Variants in PAX2 observed in about 807,000 individuals in gnomAD.
The protein encoded by PAX2 is paired box 2, also known as paired box protein Pax-2.
A neutral mutation model predicts 41.7 loss-of-function variants in PAX2; 9 were observed. The ratio of observed to expected loss-of-function variants is 0.22; its 90% confidence interval spans 0.13 to 0.38. PAX2 has a LOEUF of 0.38. Ranked by LOEUF, PAX2 falls within the 10% of genes least tolerant of loss-of-function variation. The probability of loss-of-function intolerance (pLI) is 1.00; values close to 1 mark genes in which losing one functional copy is unlikely to be tolerated. For synonymous variants in PAX2, 221 were observed against 212.7 expected (o/e 1.04, Z -0.34); for missense variants, 418 against 531.6 (o/e 0.79, Z 2.10).
At chr10:100,765,420 G>T (rs536457945) in intron 3 of PAX2, among the ~76,000 whole-genome samples, 1 of 152,322 alleles carries the variant, frequency 6.6e-6, no homozygotes, top group South Asian at 2.1e-4. Flanking sequence ...AATACTTACA[G>T]AGTCACTTAT....
At chr10:100,782,203 G>C (rs12357009) in intron 5 of PAX2, among the ~76,000 whole-genome samples, 27,848 of 152,118 alleles carry the variant, frequency 0.18, 2,794 homozygotes, top group Middle Eastern at 0.31. Flanking sequence ...CGCTGGAGAA[G>C]TGGTAACCTC....
At chr10:100,821,191 T>C (rs1848370459) in intron 7 of PAX2, among the ~76,000 whole-genome samples, 1 of 152,250 alleles carries the variant, frequency 6.6e-6, no homozygotes, top group African/African-American at 2.4e-5. Flanking sequence ...GTGTTTTCCA[T>C]TATTGACAAT....
At chr10:100,797,454 C>T (rs975305295) in intron 5 of PAX2, among the ~76,000 whole-genome samples, 1 of 152,168 alleles carries the variant, frequency 6.6e-6, no homozygotes, top group Middle Eastern at 3.2e-3. Flanking sequence ...ATTTCCCCAT[C>T]TACAAAATGG....
rs1018512998 is a variant in PAX2 at position 100,762,210 on chromosome 10, A to C, written c.410+11319A>C. On this transcript the variant is annotated intron_variant, in intron 3 of 9. Coordinates refer to ENST00000355243, the MANE Select transcript of PAX2 (RefSeq NM_000278.5). ...GAGGCCCATCTCTATTAAAAAAAAAAAAACAAAACTAAGTGGCCATCAGGA... is the reference window on the plus strand; with the variant it reads ...GAGGCCCATCTCTATTAAAAAAAAACAAACAAAACTAAGTGGCCATCAGGA... Among the ~76,000 whole-genome samples the C allele has an allele frequency of 7.9e-5, 12 of 151,950 alleles. 1 individual carries two copies. The highest frequency in any genetic ancestry group is 2.7e-4 in the African/African-American group (11 of 41,332).
chr10:100,776,158 C>G (rs879646859), intron 3 of PAX2, among the ~76,000 whole-genome samples: 1 of 152,184 alleles, frequency 6.6e-6, no homozygotes, highest in African/African-American at 2.4e-5. Flanking sequence ...CTTAGCTGCC[C>G]GTTCCATCCT....
intron 5 of PAX2, among the ~76,000 whole-genome samples, chr10:100,790,129 G>GGAA (rs1564728621): frequency 6.6e-6 from 1 of 152,192 alleles, no homozygotes; most frequent in African/African-American, 2.4e-5. Flanking sequence ...CCATCTGGTT[G>GGAA]TTTGGGGAAG....
rs11598208 is a variant in PAX2 at position 100,762,779 on chromosome 10, C to A, written c.410+11888C>A. 3.2e-3 allele frequency among the ~76,000 whole-genome samples: 480 copies of A among 152,306 alleles called. 1 individual carries two copies. Among genetic ancestry groups the A allele is most frequent in the Admixed American group, 5.3e-3 (81 of 15,306 alleles). On this transcript the variant is annotated intron_variant, in intron 3 of 9. Coordinates refer to ENST00000355243, the MANE Select transcript of PAX2 (RefSeq NM_000278.5). Reference sequence around the variant, plus strand: ...AGTCACAAACCGGCTTTATGCCAAGCTTTGCAGAATCCACAGCTTGGACTG... The same window carrying A: ...AGTCACAAACCGGCTTTATGCCAAGATTTGCAGAATCCACAGCTTGGACTG...
intron 7 of PAX2, among the ~76,000 whole-genome samples, chr10:100,819,834 T>C (rs1370134823): frequency 1.3e-5 from 2 of 152,218 alleles, no homozygotes. Context: ...TCTCTGTACT[T>C]GTAAGGGGAG....
chr10:100,788,546 G>C (rs577309615), intron 5 of PAX2, among the ~76,000 whole-genome samples: 9 of 152,332 alleles, frequency 5.9e-5, no homozygotes, highest in South Asian at 4.1e-4. Context: ...TGGTGGGCTT[G>C]CTCTGAACTG....
chr10:100,803,626 C>T (rs1847647610), intron 5 of PAX2, among the ~76,000 whole-genome samples: 2 of 152,144 alleles, frequency 1.3e-5, no homozygotes, highest in South Asian at 4.1e-4. Flanking sequence ...TGCTGCCTTC[C>T]TTCTCCTACA....
intron 5 of PAX2, among the ~76,000 whole-genome samples, chr10:100,781,922 A>G (rs11599118): frequency 0.18 from 27,395 of 152,134 alleles, 2,702 homozygotes; most frequent in Middle Eastern, 0.31. Flanking sequence ...ACCTCCCTGA[A>G]ATGCCTCAAG....
At chr10:100,769,241 G>T (rs996503755) in intron 3 of PAX2, among the ~76,000 whole-genome samples, 1 of 152,218 alleles carries the variant, frequency 6.6e-6, no homozygotes. Context: ...GTACTTGTGA[G>T]AATTAAGTTA....
chr10:100,771,902 C>T (rs551019056), intron 3 of PAX2, among the ~76,000 whole-genome samples: 3 of 152,072 alleles, frequency 2.0e-5, no homozygotes, highest in East Asian at 1.9e-4. Context: ...TCACCTCCCG[C>T]GTTCAAGCAA....
chr10:100,802,544 C>T lies in PAX2; in HGVS notation c.617-3886C>T, dbSNP rs1295995404. Among the ~76,000 whole-genome samples, 7 of 152,296 alleles carry T rather than the reference C, an allele frequency of 4.6e-5. No individual in the cohort carries two copies. The East Asian group carries it at 1.2e-3, about 25-fold the overall frequency. On this transcript the variant is annotated intron_variant, in intron 5 of 9. Coordinates refer to ENST00000355243, the MANE Select transcript of PAX2 (RefSeq NM_000278.5). Reference sequence around the variant, plus strand: ...GCTAGCCAGGGATGTGTGGGGCTTACCTGATGAGAGACTGGGTGTCCTTGG... The same window carrying T: ...GCTAGCCAGGGATGTGTGGGGCTTATCTGATGAGAGACTGGGTGTCCTTGG...
intron 7 of PAX2, among the ~76,000 whole-genome samples, chr10:100,814,793 C>T (rs1413600035): frequency 3.9e-5 from 6 of 152,290 alleles, no homozygotes; most frequent in Non-Finnish European, 8.8e-5. Context: ...CTGAAGACTG[C>T]AGTTTTGAAG....
intron 1 of PAX2, among the ~76,000 whole-genome samples, chr10:100,740,318 G>A: frequency 6.6e-6 from 1 of 152,102 alleles, no homozygotes; most frequent in Non-Finnish European, 1.5e-5. Flanking sequence ...TAGCAGCTGC[G>A]CTGGTGCAGT....
chr10:100,757,783 G>T (rs971045699), intron 3 of PAX2, among the ~76,000 whole-genome samples: 1 of 152,234 alleles, frequency 6.6e-6, no homozygotes, highest in African/African-American at 2.4e-5. Flanking sequence ...AAGGCTTGGG[G>T]TGTAGATGAG....
chr10:100,795,558 T>A (rs76316195), intron 5 of PAX2, among the ~76,000 whole-genome samples: 82 of 152,376 alleles, frequency 5.4e-4, no homozygotes, highest in African/African-American at 1.9e-3. Flanking sequence ...TATCACCATT[T>A]TCTTTTCTGT....
At chr10:100,737,898 T>C (rs1392589797) in intron 1 of PAX2, among the ~76,000 whole-genome samples, 2 of 152,238 alleles carry the variant, frequency 1.3e-5, no homozygotes, top group Non-Finnish European at 2.9e-5. Context: ...TTAGTCTCGC[T>C]GAGCCTGTTC....
Sources: gnomAD v4.1 joint callset for allele counts (sites outside exome capture counted in the v4.1 genomes callset) on GRCh38, gnomAD v4.1.1 for gene constraint, MANE v1.5 for transcripts, NCBI Gene and HGNC (gene_info 2026-07-23, HGNC 2026-07-21) for gene names.